The following CPQ variants were observed in gnomAD, a reference collection of about 807,000 sequenced individuals.
CPQ encodes the protein carboxypeptidase Q.
In CPQ, 37 loss-of-function variants were observed where a neutral mutation model predicts 45.7. The observed-to-expected ratio is 0.81, with a 90% CI of 0.62 to 1.07. The LOEUF (loss-of-function observed/expected upper bound fraction) is 1.07. CPQ is among the 50% of genes least tolerant of loss of function. The pLI, the probability that CPQ is intolerant of heterozygous loss-of-function variation, is 0.00. For missense variants in CPQ, 537 were observed against 572.9 expected (o/e 0.94, Z 0.64); for synonymous variants, 186 against 205.8 (o/e 0.90, Z 0.82).
intron 1 of CPQ, among the ~76,000 whole-genome samples, chr8:96,741,987 A>T (rs1408376666): frequency 6.9e-6 from 1 of 144,712 alleles, no homozygotes; most frequent in Non-Finnish European, 1.5e-5. Flanking sequence ...GATGTCTATT[A>T]GGTCCGCTTG....
rs1563593518 is a variant in CPQ, at chr8:97,143,171, G to C, written c.1407G>C (p.Leu469=). 2.5e-6 allele frequency: 4 copies of C among 1,613,868 alleles called. No individual in the cohort carries two copies. Among genetic ancestry groups the C allele is most frequent in the Non-Finnish European group, 3.4e-6 (4 of 1,179,882 alleles). ...SYVVADMEEM[L]PRS is the part of the protein sequence containing the mutation. ...TTGTTGCAGACATGGAAGAAATGCT[G>C]CCTAGGTCCTAGAAACAGTAAGAAA... Residue 469 remains leucine (L), a synonymous_variant, in exon 8 of 8, where the codon CTG becomes CTC. Transcript: ENST00000220763.
At chr8:96,874,382 T>A (rs1812118887) in intron 3 of CPQ, among the ~76,000 whole-genome samples, 1 of 151,786 alleles carries the variant, frequency 6.6e-6, no homozygotes, top group Non-Finnish European at 1.5e-5. Context: ...TTTAGTATAT[T>A]CACAGAGTTG....
intron 1 of CPQ, among the ~76,000 whole-genome samples, chr8:96,650,382 A>T (rs1815564244): frequency 6.6e-6 from 1 of 152,262 alleles, no homozygotes; most frequent in African/African-American, 2.4e-5. Context: ...TTCCTTGGAA[A>T]AAAGATTCGC....
intron 3 of CPQ, among the ~76,000 whole-genome samples, chr8:96,851,476 G>A (rs1346364530): frequency 6.6e-6 from 1 of 152,152 alleles, no homozygotes; most frequent in Non-Finnish European, 1.5e-5. Flanking sequence ...GTCTGGCAAG[G>A]GCTGTTCTCT....
At chr8:96,870,684 T>C (rs1812055942) in intron 3 of CPQ, among the ~76,000 whole-genome samples, 1 of 152,030 alleles carries the variant, frequency 6.6e-6, no homozygotes, top group Non-Finnish European at 1.5e-5. Flanking sequence ...AATGAATTAA[T>C]GTGTGAAAAG....
intron 3 of CPQ, among the ~76,000 whole-genome samples, chr8:96,872,681 A>C (rs1187988553): frequency 6.6e-6 from 1 of 151,914 alleles, no homozygotes; most frequent in Non-Finnish European, 1.5e-5. Context: ...TATCCAGAGA[A>C]ACAAAACCAA....
chr8:97,116,200 G>T (rs1811589908), intron 7 of CPQ, among the ~76,000 whole-genome samples: 1 of 152,332 alleles, frequency 6.6e-6, no homozygotes, highest in South Asian at 2.1e-4. Context: ...AGAATTACAG[G>T]TTATTGGTGG....
intron 4 of CPQ, among the ~76,000 whole-genome samples, chr8:96,906,613 A>G (rs1177628428): frequency 6.6e-6 from 1 of 152,188 alleles, no homozygotes; most frequent in Admixed American, 6.5e-5. Flanking sequence ...GGTGGCTGGG[A>G]GGCCCAAGAC....
At chr8:96,952,243 A>G (rs1274096975) in intron 4 of CPQ, among the ~76,000 whole-genome samples, 1 of 152,126 alleles carries the variant, frequency 6.6e-6, no homozygotes, top group Non-Finnish European at 1.5e-5. Flanking sequence ...GATATGATTG[A>G]AATAGTCCTC....
At chr8:97,048,601 T>C (rs1810301451) in intron 6 of CPQ, among the ~76,000 whole-genome samples, 1 of 152,258 alleles carries the variant, frequency 6.6e-6, no homozygotes, top group African/African-American at 2.4e-5. Context: ...TTTCCCAAAC[T>C]GTTTTCTGAA....
At chr8:96,820,954 C>T (rs1339556263) in intron 2 of CPQ, among the ~76,000 whole-genome samples, 1 of 151,868 alleles carries the variant, frequency 6.6e-6, no homozygotes, top group Non-Finnish European at 1.5e-5. Flanking sequence ...CCTTTCTCCA[C>T]ATCCTCACCA....
chr8:97,079,959 C>G (rs754399344), intron 7 of CPQ, among the ~76,000 whole-genome samples: 1 of 152,120 alleles, frequency 6.6e-6, no homozygotes, highest in Non-Finnish European at 1.5e-5. Flanking sequence ...TTCAGGACAG[C>G]TAGAAACTTT....
At chr8:96,672,680 A>G (rs1037114956) in intron 1 of CPQ, among the ~76,000 whole-genome samples, 1 of 151,972 alleles carries the variant, frequency 6.6e-6, no homozygotes, top group Admixed American at 6.6e-5. Context: ...CTGGAGGCTG[A>G]GGCATGAAAA....
At chr8:96,903,231 C>A (rs1812535301) in intron 4 of CPQ, among the ~76,000 whole-genome samples, 1 of 152,146 alleles carries the variant, frequency 6.6e-6, no homozygotes, top group African/African-American at 2.4e-5. Flanking sequence ...TGGGTTTACC[C>A]CTTTCAAAGA....
intron 3 of CPQ, among the ~76,000 whole-genome samples, chr8:96,874,589 C>A (rs943368961): frequency 6.6e-6 from 1 of 151,396 alleles, no homozygotes; most frequent in East Asian, 1.9e-4. Context: ...TGGAATCTTG[C>A]AATATATGGT....
chr8:96,730,302 A>G (rs1347029197), intron 1 of CPQ, among the ~76,000 whole-genome samples: 1 of 152,244 alleles, frequency 6.6e-6, no homozygotes. Flanking sequence ...AAAAATGAAT[A>G]GAAATTAAAG....
chr8:96,862,075 G>A (rs999929503), intron 3 of CPQ, among the ~76,000 whole-genome samples: 22 of 152,032 alleles, frequency 1.4e-4, no homozygotes, highest in African/African-American at 5.3e-4. Flanking sequence ...AGCCATGAAG[G>A]AGGACAGCTT....
intron 6 of CPQ, among the ~76,000 whole-genome samples, chr8:97,053,632 G>A (rs1417999851): frequency 6.6e-6 from 1 of 152,210 alleles, no homozygotes; most frequent in Non-Finnish European, 1.5e-5. Context: ...TCAATATAAA[G>A]AAGCCCAGGC....
chr8:97,072,151 C>G (rs191218009), intron 7 of CPQ, among the ~76,000 whole-genome samples: 49 of 152,258 alleles, frequency 3.2e-4, no homozygotes, highest in African/African-American at 1.1e-3. Flanking sequence ...TTGGCTTATA[C>G]TGATCAAATT....
Sources: gnomAD v4.1 joint callset for allele counts (sites outside exome capture counted in the v4.1 genomes callset) on GRCh38, gnomAD v4.1.1 for gene constraint, MANE v1.5 for transcripts, NCBI Gene and HGNC (gene_info 2026-07-23, HGNC 2026-07-21) for gene names.